Variants in MELTF observed in about 807,000 individuals in gnomAD.
MELTF encodes the protein melanotransferrin.
Under a neutral mutation model 83.7 loss-of-function variants are expected in MELTF, and 67 were observed. That is an observed-to-expected ratio of 0.80 (90% CI 0.66 to 0.98). The LOEUF (loss-of-function observed/expected upper bound fraction) is 0.98. Ranked by LOEUF, MELTF falls within the 50% of genes least tolerant of loss-of-function variation. The pLI is 0.00. For synonymous variants in MELTF, 462 were observed against 447.6 expected, an observed-to-expected ratio of 1.03 and a Z score of -0.41; for missense variants, 1,002 against 1,035.6, an observed-to-expected ratio of 0.97 and a Z score of 0.44.
chr3:197,019,392 T>G (rs1456101464), intron 6 of MELTF: 1 of 1,283,336 alleles, frequency 7.8e-7, no homozygotes, highest in Non-Finnish European at 9.9e-7. Flanking sequence ...CTTACCAATC[T>G]TTCTGTATAA....
intron 14 of MELTF, chr3:197,004,342 T>C (rs1185922167): frequency 5.5e-6 from 3 of 548,246 alleles, no homozygotes; most frequent in Admixed American, 3.1e-5. Context: ...ACTGCGGTGC[T>C]CCAGCTCCTG....
At position 197,009,089 on chromosome 3, in the gene MELTF, G is replaced by A. The variant is rs1577928552; in HGVS notation, c.1526-124C>T. 3 of 1,124,000 alleles carry A rather than the reference G, an allele frequency of 2.7e-6. No individual in the cohort carries two copies. In the South Asian group the frequency reaches 4.3e-5, roughly 16 times the overall value. The allele number at this position is 1,124,000 out of a possible 1,614,324, so 69.6% of individuals were successfully genotyped here. A position where few individuals can be genotyped will look rare whatever the true frequency, so the allele number is the denominator to read the frequency against. ...TCCTACACTGCAAGGCCACCTGTCT[G>A]CTCCGCTCCCCTCAGCTCTGAGTGG... On this transcript the variant is annotated intron_variant, in intron 11 of 15. Transcript: ENST00000296350.
In MELTF at chr3:197,024,239, G is replaced by A. The variant is rs1028552070; in HGVS notation, c.487+64C>T. ...GAGGGAGGCTACCCAGTGAAGGGAC[G>A]AGCATGGGCCAAGGAAAGGAGGGGG... On this transcript the variant is annotated intron_variant, in intron 4 of 15. Coordinates refer to ENST00000296350, the MANE Select transcript of MELTF (RefSeq NM_005929.6). This position sits in a 1 kb window ranked among gnomAD's most constrained non-coding sequence, Gnocchi z 5.3. 5.1e-5 allele frequency: 75 copies of A among 1,484,796 alleles called. No homozygotes were observed. The highest frequency in any genetic ancestry group is 4.1e-4 in the South Asian group (31 of 75,186). The allele number at this position is 1,484,796 out of a possible 1,614,324, so 92.0% of individuals were successfully genotyped here.
Position 197,021,445 on chromosome 3 carries a change from A to T in MELTF, c.671T>A (p.Val224Glu). ...TACCGTGCTGTGCTTCACAAAAGCCACGTCCCCTGCCCCTTCCGCCAGGCA... is the reference window on the plus strand; with the variant it reads ...TACCGTGCTGTGCTTCACAAAAGCCTCGTCCCCTGCCCCTTCCGCCAGGCA... ...FRCLAEGAGD[V>E]AFVKHSTVLE... Residue 224 changes from valine (V) to glutamate (E), a missense_variant, in exon 6 of 16, where the codon GTG (valine) becomes GAG (glutamate). Val to Glu is a moderately radical substitution (Grantham distance 121). Transcript: ENST00000296350. 6.2e-7 allele frequency: 1 copy of T among 1,614,070 alleles called. No homozygotes were observed. The highest frequency in any genetic ancestry group is 8.5e-7 in the Non-Finnish European group (1 of 1,180,010).
intron 10 of MELTF, 124 bp from the exon 11 acceptor site, chr3:197,009,936 T>A: frequency 1.1e-6 from 1 of 902,832 alleles, no homozygotes; most frequent in Non-Finnish European, 1.7e-6. Context: ...GGCCAAAGAG[T>A]ACCCAGGCCT....
rs866245132 is a variant in MELTF at position 197,003,324 on chromosome 3, G to C, written c.*48C>G. ...CTGGATTCCAGCGCGAAGCCGCCGC[G>C]GAAACTCCCCGGGCGGGCATCGGAG... On this transcript the variant is annotated 3_prime_UTR_variant, in exon 16 of 16. Transcript: ENST00000296350. The surrounding 1 kb of genome is among the most constrained non-coding windows in gnomAD (Gnocchi z 6.2). The C allele has an allele frequency of 9.6e-7, 1 of 1,045,468 alleles. No individual in the cohort carries two copies. Among genetic ancestry groups the C allele is most frequent in the African/African-American group, 1.7e-5 (1 of 58,026 alleles). The allele number at this position is 1,045,468 out of a possible 1,614,324, so 64.8% of individuals were successfully genotyped here. A position where few individuals can be genotyped will look rare whatever the true frequency, so the allele number is the denominator to read the frequency against.
In MELTF at chr3:197,011,656, C is replaced by T. The variant is rs77415144; in HGVS notation, c.1234-862G>A. On this transcript the variant is annotated intron_variant, in intron 9 of 15. Coordinates refer to ENST00000296350, the MANE Select transcript of MELTF (RefSeq NM_005929.6). The surrounding 1 kb of genome is among the most constrained non-coding windows in gnomAD (Gnocchi z 4.2). Reference sequence around the variant, plus strand: ...CCCTTTTTCCACCACTCAGACCTCCCCCTTCCTATTGTGCTGTCGGGCAGG... The same window carrying T: ...CCCTTTTTCCACCACTCAGACCTCCTCCTTCCTATTGTGCTGTCGGGCAGG... Among the ~76,000 whole-genome samples, 7,998 of 152,216 alleles carry T rather than the reference C, an allele frequency of 0.053. 579 individuals are homozygous for T. The highest frequency in any genetic ancestry group is 0.16 in the African/African-American group (6,576 of 41,506).
intron 1 of MELTF, 156 bp from the exon 2 acceptor site, chr3:197,028,066 A>G: frequency 1.3e-6 from 1 of 795,084 alleles, no homozygotes; most frequent in Non-Finnish European, 1.9e-6. Context: ...CTAGGCGCAG[A>G]GACAGGGGAA....
In MELTF at chr3:197,023,117, TG is replaced by T. The variant is rs766097705; in HGVS notation, c.488-5del. ...CCCCCAAAATAGTCGCTGACAGCTG[TG>T]GGAAGGAGGTAGAGAGGTCACTCAG... On this transcript the variant is annotated splice_polypyrimidine_tract_variant and splice_region_variant and intron_variant, in intron 4 of 15. Coordinates refer to ENST00000296350, the MANE Select transcript of MELTF (RefSeq NM_005929.6). 1.3e-4 allele frequency: 204 copies of T among 1,613,276 alleles called. No individual in the cohort carries two copies. The highest frequency in any genetic ancestry group is 1.7e-4 in the Non-Finnish European group (200 of 1,179,960).
intron 4 of MELTF, among the ~76,000 whole-genome samples, chr3:197,023,318 A>G (rs368676417): frequency 2.0e-5 from 3 of 152,330 alleles, no homozygotes; most frequent in East Asian, 3.9e-4. Flanking sequence ...CAGCACTGGG[A>G]GCGACTGTCA....
rs1719780935 is a variant in MELTF at position 197,024,669 on chromosome 3, C to A, written c.305-184G>T. On this transcript the variant is annotated intron_variant, in intron 3 of 15. Coordinates refer to ENST00000296350, the MANE Select transcript of MELTF (RefSeq NM_005929.6). The surrounding 1 kb of genome is among the most constrained non-coding windows in gnomAD (Gnocchi z 5.3). ...GGCTTCATCTGCATGTATTAAGAGGCCCTGCCCTCTAGCCTCTTGAGGTAG... is the reference window on the plus strand; with the variant it reads ...GGCTTCATCTGCATGTATTAAGAGGACCTGCCCTCTAGCCTCTTGAGGTAG... Among the ~76,000 whole-genome samples the A allele has an allele frequency of 6.6e-6, 1 of 152,204 alleles. No homozygotes were observed. The highest frequency in any genetic ancestry group is 1.5e-5 in the Non-Finnish European group (1 of 68,044).
In MELTF at chr3:197,022,973, AGTC is replaced by A. The variant is rs1719685788; in HGVS notation, c.625_627del (p.Asp209del). 1 of 1,609,820 alleles carries A rather than the reference AGTC, an allele frequency of 6.2e-7. No individual in the cohort carries two copies. Among genetic ancestry groups the A allele is most frequent in the African/African-American group, 1.3e-5 (1 of 74,826 alleles). Reference sequence around the variant, plus strand: ...TCCGCTCACCGGAAGGCCCCGCTGTAGTCGTAGTATCTCTCCAGGGGGCTCTTG... The same window carrying A: ...TCCGCTCACCGGAAGGCCCCGCTGTAGTAGTATCTCTCCAGGGGGCTCTTG... On this transcript the variant is annotated inframe_deletion, in exon 5 of 16. Transcript: ENST00000296350. This position sits in a 1 kb window ranked among gnomAD's most constrained non-coding sequence, Gnocchi z 5.1.
chr3:197,016,361 G>A lies in MELTF; in HGVS notation c.909C>T (p.Phe303=). 3 of 1,588,602 alleles carry A rather than the reference G, an allele frequency of 1.9e-6. No individual in the cohort carries two copies. The part of the protein sequence containing the change: ...FRLLNEGQRL[F]SHEGSSFQMF... Reference sequence around the variant, plus strand: ...TCTGGAAGCTGCTGCCCTCGTGGCTGAACAGACGCTGTGTGTCAAGGGGTG... The same window carrying A: ...TCTGGAAGCTGCTGCCCTCGTGGCTAAACAGACGCTGTGTGTCAAGGGGTG... Residue 303 remains phenylalanine, a synonymous_variant, in exon 8 of 16, where the codon TTC becomes TTT. Coordinates refer to ENST00000296350, the MANE Select transcript of MELTF (RefSeq NM_005929.6).
intron 1 of MELTF, chr3:197,028,497 G>T (rs914458573): frequency 3.9e-5 from 6 of 154,018 alleles, no homozygotes; most frequent in African/African-American, 1.4e-4. Flanking sequence ...AGGGGAGGCT[G>T]AGGACCCATC....
At chr3:197,027,730 G>A (rs773307045) in intron 2 of MELTF, 26 bp downstream of exon 2, 2 of 1,589,104 alleles carry the variant, frequency 1.3e-6, no homozygotes, top group Non-Finnish European at 1.7e-6. Context: ...CCTCTTGTCT[G>A]GCAGGGTGGA....
chr3:197,017,219 G>C lies in MELTF; in HGVS notation c.784C>G (p.Arg262Gly). Residue 262 changes from arginine (R) to glycine (G), a missense_variant, in exon 7 of 16, where the codon CGG becomes GGG. Arg to Gly is a moderately radical substitution (Grantham distance 125). Coordinates refer to ENST00000296350, the MANE Select transcript of MELTF (RefSeq NM_005929.6). ...DFELLCRDGS[R>G]ADVTEWRQCH... ...TGCCTCCACTCGGTGACATCGGCCC[G>C]GCTACCATCCCGGCACAGCAGCTCG... The C allele has an allele frequency of 1.3e-6, 2 of 1,597,534 alleles. No homozygotes were observed. The highest frequency in any genetic ancestry group is 1.7e-6 in the Non-Finnish European group (2 of 1,173,540).
rs1264626702 is a variant in MELTF, at chr3:197,008,134, C to T, written c.1750+523G>A. ...GGTCCCGGAGCAGAGCGTTCCTGAG[C>T]TCTTTGTCCCAGGCGGAGCCCAGGA... On this transcript the variant is annotated intron_variant, in intron 13 of 15. Coordinates refer to ENST00000296350, the MANE Select transcript of MELTF (RefSeq NM_005929.6). The surrounding 1 kb of genome is among the most constrained non-coding windows in gnomAD (Gnocchi z 5.4). Among the ~76,000 whole-genome samples, 2 of 152,302 alleles carry T rather than the reference C, an allele frequency of 1.3e-5. No individual in the cohort carries two copies. The highest frequency in any genetic ancestry group is 1.9e-4 in the East Asian group (1 of 5,188).
Position 197,015,519 on chromosome 3 carries a change from G to A in MELTF, c.1082-3C>T. The A allele has an allele frequency of 6.2e-7, 1 of 1,608,404 alleles. No individual in the cohort carries two copies. The highest frequency in any genetic ancestry group is 8.5e-7 in the Non-Finnish European group (1 of 1,176,894). ...CCAGCGCAGGTAGGGGGGCAGCCCT[G>A]GGGTGGGGCAAGCAAGCGGTCACTG... On this transcript the variant is annotated splice_region_variant and splice_polypyrimidine_tract_variant and intron_variant, in intron 8 of 15. Coordinates refer to ENST00000296350, the MANE Select transcript of MELTF (RefSeq NM_005929.6).
intron 7 of MELTF, 150 bp from the exon 8 acceptor site, chr3:197,016,519 T>C (rs1719384224): frequency 4.8e-6 from 3 of 631,094 alleles, no homozygotes; most frequent in Admixed American, 3.0e-5. Context: ...CTGCGGCGCC[T>C]CCCCTGATCT....
Sources: gnomAD v4.1 joint callset for allele counts (sites outside exome capture counted in the v4.1 genomes callset) on GRCh38, gnomAD v4.1.1 for gene constraint, Gnocchi (gnomAD v3.1) non-coding constraint, MANE v1.5 for transcripts, NCBI Gene and HGNC (gene_info 2026-07-23, HGNC 2026-07-21) for gene names.